The following GRIP1 variants were observed in gnomAD, a reference collection of about 807,000 sequenced individuals.
GRIP1 encodes glutamate receptor interacting protein 1.
Under a neutral mutation model 129.9 loss-of-function variants are expected in GRIP1, and 45 were observed. The ratio of observed to expected loss-of-function variants is 0.35; its 90% CI spans 0.27 to 0.44. The LOEUF is 0.44. GRIP1 is among the 20% of genes least tolerant of loss of function. The pLI is 1.00. For missense variants in GRIP1, 1,196 were observed against 1,396.8 expected (o/e 0.86, Z 2.29); for synonymous variants, 530 against 520.8 (o/e 1.02, Z -0.24).
chr12:66,989,711 T>C (rs976573476), intron 1 of GRIP1, among the ~76,000 whole-genome samples: 7 of 152,150 alleles, frequency 4.6e-5, no homozygotes, highest in East Asian at 1.9e-4. Flanking sequence ...CAATAAACAC[T>C]GTCACTACAC....
chr12:66,759,858 A>T (rs1490903884), intron 1 of GRIP1, among the ~76,000 whole-genome samples: 1 of 144,624 alleles, frequency 6.9e-6, no homozygotes, highest in African/African-American at 2.6e-5. Flanking sequence ...TACTATCAAC[A>T]TTTTTTTTTT....
chr12:66,411,815 C>G (rs565115764), intron 15 of GRIP1, among the ~76,000 whole-genome samples: 4 of 152,290 alleles, frequency 2.6e-5, no homozygotes, highest in South Asian at 2.1e-4. Flanking sequence ...AAAAACACAA[C>G]ATGATAACTT....
chr12:66,512,689 G>C (rs757077573), intron 7 of GRIP1, among the ~76,000 whole-genome samples: 24 of 151,482 alleles, frequency 1.6e-4, no homozygotes, highest in Non-Finnish European at 2.9e-4. Flanking sequence ...AAATGAAAAT[G>C]ACCATATGAA....
chr12:66,429,477 G>A (rs1441462417), intron 14 of GRIP1, among the ~76,000 whole-genome samples: 4 of 152,088 alleles, frequency 2.6e-5, no homozygotes, highest in African/African-American at 4.8e-5. Flanking sequence ...CAGGAAAATC[G>A]CTTGAGTTTA....
intron 1 of GRIP1, among the ~76,000 whole-genome samples, chr12:67,035,226 T>C (rs745654860): frequency 6.6e-5 from 10 of 152,180 alleles, no homozygotes; most frequent in Non-Finnish European, 1.5e-4. Context: ...ACGTGTTTCC[T>C]CCATGCAGTT....
chr12:66,524,000 C>A (rs1484242767), intron 5 of GRIP1, among the ~76,000 whole-genome samples: 2 of 152,110 alleles, frequency 1.3e-5, no homozygotes. Context: ...ATATATACAC[C>A]CAATACAGGA....
At chr12:66,817,475 T>C (rs1007137006) in intron 1 of GRIP1, among the ~76,000 whole-genome samples, 3 of 152,166 alleles carry the variant, frequency 2.0e-5, no homozygotes, top group Admixed American at 2.0e-4. Context: ...AGTGACATGA[T>C]CTCAGCTCAC....
intron 1 of GRIP1, among the ~76,000 whole-genome samples, chr12:66,883,490 C>G (rs1346656148): frequency 6.6e-6 from 1 of 152,114 alleles, no homozygotes; most frequent in Non-Finnish European, 1.5e-5. Flanking sequence ...TGTATTACAT[C>G]AGTAGACACA....
intron 14 of GRIP1, 111 bp from the exon 15 acceptor site, chr12:66,420,900 C>A: frequency 1.4e-6 from 1 of 709,676 alleles, no homozygotes; most frequent in Admixed American, 2.1e-5. Context: ...GTATGCAAAA[C>A]AAAGATGGTC....
intron 1 of GRIP1, among the ~76,000 whole-genome samples, chr12:66,602,764 T>C (rs1163614927): frequency 6.6e-6 from 1 of 151,964 alleles, no homozygotes; most frequent in East Asian, 1.9e-4. Context: ...CATTAATGTC[T>C]ATCCTTGACT....
upstream of GRIP1, chr12:66,679,208 C>T (rs750495819): frequency 1.9e-5 from 22 of 1,154,542 alleles, no homozygotes; most frequent in South Asian, 6.4e-5. Context: ...AAAGCAGGGA[C>T]GACACTGTGT....
intron 1 of GRIP1, among the ~76,000 whole-genome samples, chr12:66,913,105 G>A (rs1362821603): frequency 6.6e-6 from 1 of 152,092 alleles, no homozygotes; most frequent in East Asian, 1.9e-4. Flanking sequence ...GGCAAAAATT[G>A]GCCTCAAAAA....
chr12:67,037,558 C>G (rs771185072), intron 1 of GRIP1: 19 of 151,682 alleles, frequency 1.3e-4, no homozygotes, highest in African/African-American at 4.4e-4. Flanking sequence ...AGCATTTTGA[C>G]GAAGAGGAGT....
intron 16 of GRIP1, among the ~76,000 whole-genome samples, chr12:66,403,398 T>A (rs935016552): frequency 1.3e-5 from 2 of 152,162 alleles, no homozygotes; most frequent in African/African-American, 2.4e-5. Context: ...ACATTTTGAA[T>A]AATGTTTTTT....
At position 66,570,066 on chromosome 12, in the gene GRIP1, T is replaced by G. The variant is rs1005506560; in HGVS notation, c.136+26781A>C. Reference sequence around the variant, plus strand: ...TAAAATGCATCCCAGTTCACAGTTGTTAAAATGTGTATGTTGGGGGGTAGT... The same window carrying G: ...TAAAATGCATCCCAGTTCACAGTTGGTAAAATGTGTATGTTGGGGGGTAGT... On this transcript the variant is annotated intron_variant, in intron 2 of 24. Coordinates refer to ENST00000359742, the MANE Select transcript of GRIP1 (RefSeq NM_001366722.1). Among the ~76,000 whole-genome samples the G allele has an allele frequency of 2.0e-5, 3 of 152,000 alleles. No individual in the cohort carries two copies. In the East Asian group the frequency reaches 5.8e-4, roughly 29 times the overall value.
chr12:66,377,092 C>G, intron 21 of GRIP1, 31 bp from the exon 22 acceptor site: 2 of 1,599,592 alleles, frequency 1.3e-6, no homozygotes, highest in Non-Finnish European at 1.7e-6. Flanking sequence ...TTTAAATGAA[C>G]TGGTGTGAGA....
intron 1 of GRIP1, among the ~76,000 whole-genome samples, chr12:67,039,225 T>A (rs372122823): frequency 1.3e-5 from 2 of 152,178 alleles, no homozygotes; most frequent in Non-Finnish European, 2.9e-5. Context: ...CTGGCAAATA[T>A]ACCACTTAAA....
intron 1 of GRIP1, among the ~76,000 whole-genome samples, chr12:66,777,726 A>G (rs1464239009): frequency 1.3e-5 from 2 of 152,220 alleles, no homozygotes; most frequent in African/African-American, 4.8e-5. Flanking sequence ...ATGCATGCAT[A>G]CCTACACACA....
intron 1 of GRIP1, among the ~76,000 whole-genome samples, chr12:66,890,354 G>T (rs2040638417): frequency 1.3e-5 from 2 of 152,174 alleles, no homozygotes; most frequent in Admixed American, 1.3e-4. Context: ...ATGACGATTA[G>T]AAATCTAAGC....
Sources: allele counts gnomAD v4.1 joint callset (sites outside exome capture counted in the v4.1 genomes callset), GRCh38; gene constraint gnomAD v4.1.1; transcripts MANE v1.5; gene names NCBI Gene and HGNC (gene_info 2026-07-23, HGNC 2026-07-21).